PTPRG: variants seen among roughly 807,000 people sequenced by gnomAD.
PTPRG encodes receptor-type tyrosine-protein phosphatase gamma.
In PTPRG, 102 loss-of-function variants were observed where a neutral mutation model predicts 165.3. That is an observed-to-expected ratio of 0.62 (90% confidence interval 0.53 to 0.73). PTPRG has a LOEUF of 0.73. Ranked by LOEUF, PTPRG falls within the 30% of genes least tolerant of loss-of-function variation. The pLI is 0.00. For synonymous variants in PTPRG, 675 were observed against 669.5 expected (o/e 1.01, Z -0.13); for missense variants, 1,866 against 1,861.4 (o/e 1.00, Z -0.05).
chr3:61,824,503 G>A (rs567471219), intron 2 of PTPRG, among the ~76,000 whole-genome samples: 40 of 152,242 alleles, frequency 2.6e-4, no homozygotes, highest in African/African-American at 8.4e-4. Context: ...TCTGCTTTGA[G>A]GATTTTCAAT....
intron 14 of PTPRG, 81 bp downstream of exon 14, chr3:62,231,392 G>T: frequency 1.7e-6 from 2 of 1,195,154 alleles, no homozygotes; most frequent in African/African-American, 3.1e-5. Flanking sequence ...TTGCCATGGG[G>T]ATTGAAGTCT....
At position 62,040,374 on chromosome 3, in the gene PTPRG, ATGT is replaced by A. The variant is rs1307184099; in HGVS notation, c.519+36881_519+36883del. Among the ~76,000 whole-genome samples the A allele has an allele frequency of 7.2e-5, 11 of 152,206 alleles. 1 individual carries two copies. Among genetic ancestry groups the A allele is most frequent in the Admixed American group, 5.9e-4 (9 of 15,280 alleles). The stretch of plus-strand genomic sequence containing the variant: ...CTGTGGGTAATGATGAAGACATGTA[ATGT>A]TGTGTTCCACTGAAGCTCTCTAAGA... On this transcript the variant is annotated intron_variant, in intron 4 of 29. Transcript: ENST00000474889.
At chr3:61,760,949 G>C (rs2033814717) in intron 2 of PTPRG, among the ~76,000 whole-genome samples, 1 of 152,114 alleles carries the variant, frequency 6.6e-6, no homozygotes, top group African/African-American at 2.4e-5. Flanking sequence ...CCTTTGTATG[G>C]CTGCATAGTA....
intron 12 of PTPRG, among the ~76,000 whole-genome samples, chr3:62,208,100 A>T (rs1007260184): frequency 6.6e-6 from 1 of 152,198 alleles, no homozygotes; most frequent in Non-Finnish European, 1.5e-5. Flanking sequence ...CGGGTGGTCA[A>T]CCTCTACTGT....
chr3:62,167,989 A>G lies in PTPRG; in HGVS notation c.859A>G (p.Ile287Val), dbSNP rs774537313. 52 of 1,611,204 alleles carry G rather than the reference A, an allele frequency of 3.2e-5. No individual in the cohort carries two copies. The highest frequency in any genetic ancestry group is 4.3e-5 in the Non-Finnish European group (51 of 1,179,392). ...SYHQLEAFYS[I>V]FTTEQQDHVK... ...TGTTCAGCTTGAGGCTTTTTATTCC[A>G]TCTTCACCACGGAGCAGCAAGACCA... The change falls in exon 8 of 30, where the codon ATC becomes GTC. Residue 287 changes from isoleucine to valine, a missense_variant. Around this residue, in one of 3 missense-constraint regions of PTPRG, gnomAD observed 408 missense variants for 376.2 expected, o/e 1.08. Coordinates refer to ENST00000474889, the MANE Select transcript of PTPRG (RefSeq NM_002841.4).
intron 1 of PTPRG, among the ~76,000 whole-genome samples, chr3:61,677,885 G>A (rs1327117444): frequency 6.6e-6 from 1 of 152,108 alleles, no homozygotes; most frequent in Non-Finnish European, 1.5e-5. Context: ...GAGGGGAAGG[G>A]AAGTGACTGG....
chr3:62,033,902 G>A (rs532066930), intron 4 of PTPRG, among the ~76,000 whole-genome samples: 2 of 152,182 alleles, frequency 1.3e-5, no homozygotes, highest in African/African-American at 4.8e-5. Context: ...GACTGAGCTG[G>A]GACTACAGGC....
intron 1 of PTPRG, among the ~76,000 whole-genome samples, chr3:61,621,150 T>C (rs1274723408): frequency 1.3e-5 from 2 of 151,558 alleles, no homozygotes; most frequent in Non-Finnish European, 2.9e-5. Context: ...ATGTAAAGCA[T>C]GAGGTCAAAA....
At chr3:61,742,941 C>CTTAA (rs2033052923) in intron 1 of PTPRG, 2 of 1,475,772 alleles carry the variant, frequency 1.4e-6, no homozygotes, top group Admixed American at 1.7e-5. Context: ...GGGGAGTGGA[C>CTTAA]TTAAGTCTGA....
rs115502740 is a variant in PTPRG, at chr3:61,937,523, C to T, written c.191-52102C>T. 6.7e-3 allele frequency among the ~76,000 whole-genome samples: 1,025 copies of T among 152,256 alleles called. 16 individuals carry two copies. The highest frequency in any genetic ancestry group is 0.023 in the African/African-American group (973 of 41,544). ...CCTTCATTGAGGATTTAAGGCTGAT[C>T]GTATTTTCATTATTTAGAACAAATG... On this transcript the variant is annotated intron_variant, in intron 2 of 29. Transcript: ENST00000474889.
At chr3:61,872,778 A>G (rs2037619327) in intron 2 of PTPRG, among the ~76,000 whole-genome samples, 1 of 152,142 alleles carries the variant, frequency 6.6e-6, no homozygotes, top group Non-Finnish European at 1.5e-5. Flanking sequence ...AAGGTAAGCA[A>G]TCTTTGGGCC....
chr3:62,098,910 C>G (rs1702200330), intron 5 of PTPRG, among the ~76,000 whole-genome samples: 1 of 152,090 alleles, frequency 6.6e-6, no homozygotes, highest in South Asian at 2.1e-4. Flanking sequence ...GTTCTGACTC[C>G]AGATATAGGG....
chr3:62,220,343 A>T (rs1276867845), intron 13 of PTPRG, among the ~76,000 whole-genome samples: 1 of 152,264 alleles, frequency 6.6e-6, no homozygotes, highest in Non-Finnish European at 1.5e-5. Flanking sequence ...TGTTGAATAC[A>T]GACTGAAGAG....
intron 2 of PTPRG, among the ~76,000 whole-genome samples, chr3:61,912,774 A>C (rs2038835967): frequency 6.6e-6 from 1 of 152,208 alleles, no homozygotes; most frequent in South Asian, 2.1e-4. Flanking sequence ...AATTATGCAG[A>C]GCCTGGAATC....
chr3:62,073,431 G>C (rs946534505), intron 4 of PTPRG, among the ~76,000 whole-genome samples: 2 of 152,130 alleles, frequency 1.3e-5, no homozygotes, highest in East Asian at 3.8e-4. Context: ...CTCCAATAGC[G>C]GGATAAACCC....
intron 1 of PTPRG, among the ~76,000 whole-genome samples, chr3:61,745,053 T>C (rs1416908124): frequency 2.1e-5 from 3 of 143,422 alleles, no homozygotes; most frequent in Admixed American, 1.4e-4. Context: ...TTCCCTCACT[T>C]TTTTTTTTTT....
intron 1 of PTPRG, among the ~76,000 whole-genome samples, chr3:61,638,382 C>T (rs1450853699): frequency 6.6e-6 from 1 of 151,884 alleles, no homozygotes; most frequent in African/African-American, 2.4e-5. Context: ...AAGCACCTTG[C>T]AAGAACCCTG....
At chr3:61,719,841 C>G (rs997964428) in intron 1 of PTPRG, among the ~76,000 whole-genome samples, 4 of 152,116 alleles carry the variant, frequency 2.6e-5, no homozygotes, top group Admixed American at 6.5e-5. Context: ...TTGTGCCTCA[C>G]TGTTTTGTAA....
At chr3:62,284,052 T>C (rs989888714) in intron 28 of PTPRG, among the ~76,000 whole-genome samples, 2 of 152,066 alleles carry the variant, frequency 1.3e-5, no homozygotes, top group African/African-American at 4.8e-5. Flanking sequence ...AGTTACAGCA[T>C]AAAGTTAGGG....
Sources: allele counts gnomAD v4.1 joint callset (sites outside exome capture counted in the v4.1 genomes callset), GRCh38; gene constraint gnomAD v4.1.1; regional missense constraint gnomAD v4.1.1; transcripts MANE v1.5; gene names NCBI Gene and HGNC (gene_info 2026-07-23, HGNC 2026-07-21).